C12orf76: variants seen among roughly 807,000 people sequenced by gnomAD.
C12orf76 encodes uncharacterized protein C12orf76.
C12orf76 carries 6 observed loss-of-function variants against 6.8 expected under a neutral mutation model. That is an observed-to-expected ratio of 0.88 (90% CI 0.48 to 1.73). The LOEUF (loss-of-function observed/expected upper bound fraction) is 1.73, where lower values mean the gene tolerates loss of function less well. C12orf76 is among the 40% of genes most tolerant of loss of function. C12orf76 has a pLI of 0.01. For missense variants in C12orf76, 99 were observed against 98.2 expected (o/e 1.01, Z -0.03); for synonymous variants, 56 against 43.7 (o/e 1.28, Z -1.11).
intron 1 of C12orf76, among the ~76,000 whole-genome samples, chr12:110,066,912 C>A (rs12318462): frequency 0.07 from 10,659 of 152,226 alleles, 405 homozygotes; most frequent in African/African-American, 0.093. Context: ...TCCATGGCGA[C>A]GGCCAGCCTG....
At chr12:110,066,705 A>T (rs1892871222) in intron 1 of C12orf76, among the ~76,000 whole-genome samples, 1 of 151,588 alleles carries the variant, frequency 6.6e-6, no homozygotes, top group South Asian at 2.1e-4. Context: ...AGAAAAAAAA[A>T]ATCGGGAGCA....
chr12:110,061,549 T>G (rs79162740), intron 2 of C12orf76, among the ~76,000 whole-genome samples: 2,617 of 151,936 alleles, frequency 0.017, 79 homozygotes, highest in African/African-American at 0.06. Context: ...TTTTTTTTTT[T>G]TTCTTGAAAC....
upstream of C12orf76, among the ~76,000 whole-genome samples, chr12:110,068,301 GAAGAAGAAGAAGAAGAAGAAGAAGAAGA>G (rs1892911339): frequency 6.8e-6 from 1 of 146,780 alleles, no homozygotes; most frequent in African/African-American, 2.5e-5. Flanking sequence ...AGAAGAAGAA[GAAGAAGAAGAAGAAGAAGAAGAAGAAGA>G]AGGCGGCCAA....
At chr12:110,060,188 T>C (rs892695055) in intron 2 of C12orf76, among the ~76,000 whole-genome samples, 2 of 152,046 alleles carry the variant, frequency 1.3e-5, no homozygotes, top group Non-Finnish European at 2.9e-5. Context: ...ATCACCCCAT[T>C]ACACTCCAGC....
chr12:110,056,237 A>G (rs1892664746), intron 4 of C12orf76, among the ~76,000 whole-genome samples: 1 of 152,166 alleles, frequency 6.6e-6, no homozygotes, highest in South Asian at 2.1e-4. Context: ...CAGAAATACT[A>G]TCCCGACCTT....
At chr12:110,058,849 C>A (rs1023750526) in intron 3 of C12orf76, 2 of 961,958 alleles carry the variant, frequency 2.1e-6, no homozygotes, top group African/African-American at 3.3e-5. Context: ...TTTTTGGTAA[C>A]CCTAATATGT....
At chr12:110,042,975 G>A (rs1892353457) in intron 1 of C12orf76, among the ~76,000 whole-genome samples, 1 of 152,204 alleles carries the variant, frequency 6.6e-6, no homozygotes, top group East Asian at 1.9e-4. Context: ...AGCTACTCAG[G>A]AGGCTGAGGC....
intron 1 of C12orf76, among the ~76,000 whole-genome samples, chr12:110,066,342 C>A (rs1212956565): frequency 1.6e-5 from 2 of 128,964 alleles, no homozygotes; most frequent in Admixed American, 9.2e-5. Flanking sequence ...GCACTCCAGC[C>A]TAGGTGACAA....
chr12:110,066,501 A>C (rs1892865757), intron 1 of C12orf76, among the ~76,000 whole-genome samples: 1 of 151,700 alleles, frequency 6.6e-6, no homozygotes, highest in African/African-American at 2.4e-5. Flanking sequence ...CAGCCTGACC[A>C]ACATGGAGAA....
upstream of C12orf76, among the ~76,000 whole-genome samples, chr12:110,053,505 A>G (rs59394303): frequency 4.1e-3 from 614 of 150,422 alleles, 3 homozygotes; most frequent in African/African-American, 0.015. Context: ...TCTTGGGGGG[A>G]AAACAAAAAA....
At chr12:110,071,957 G>A (rs118013692), upstream of C12orf76, among the ~76,000 whole-genome samples, 4,187 of 152,218 alleles carry the variant, frequency 0.028, 86 homozygotes, top group Middle Eastern at 0.078. Flanking sequence ...CCACTCTTAG[G>A]TACATATTCA....
upstream of C12orf76, among the ~76,000 whole-genome samples, chr12:110,072,487 GT>G (rs201812575): frequency 2.7e-5 from 4 of 150,548 alleles, no homozygotes; most frequent in Non-Finnish European, 4.4e-5. Context: ...AGGAGTGTGG[GT>G]TTTTTTTGTT....
At chr12:110,044,152 A>C (rs1892388604) in intron 1 of C12orf76, 1 of 152,220 alleles carries the variant, frequency 6.6e-6, no homozygotes, top group South Asian at 2.1e-4. Context: ...CAAAACAAGC[A>C]AATGTACACT....
At chr12:110,058,021 G>A (rs940319056) in intron 3 of C12orf76, among the ~76,000 whole-genome samples, 20 of 129,506 alleles carry the variant, frequency 1.5e-4, no homozygotes, top group Admixed American at 3.0e-4. Flanking sequence ...CCAAGATCAC[G>A]CCATTGCAAA....
chr12:110,057,209 G>T (rs1240268787), exon 4 of C12orf76: 2 of 1,613,038 alleles, frequency 1.2e-6, no homozygotes, highest in African/African-American at 2.7e-5. Flanking sequence ...CAGGTAGGAT[G>T]GGCCCCATGC....
At chr12:110,072,957 A>G (rs1391322734) in intron 1 of C12orf76, among the ~76,000 whole-genome samples, 2 of 151,924 alleles carry the variant, frequency 1.3e-5, no homozygotes, top group Non-Finnish European at 2.9e-5. Context: ...TCAAAAAAAA[A>G]AAAAGAAAAA....
Position 110,066,367 on chromosome 12 carries a change from TAAAAAAAAAAAAAAAAAAAA to T in C12orf76, n.207-354_207-335del, listed in dbSNP as rs71079598. Among the ~76,000 whole-genome samples, 15 of 15,334 alleles carry T rather than the reference TAAAAAAAAAAAAAAAAAAAA, an allele frequency of 9.8e-4. 1 individual carries two copies. Among genetic ancestry groups the T allele is most frequent in the Admixed American group, 3.6e-3 (3 of 834 alleles). The allele number at this position is 15,334 out of a possible 152,430, so 10.1% of individuals were successfully genotyped here. ...CTAGGTGACAAAGCAAGACTCCATC[TAAAAAAAAAAAAAAAAAAAA>T]AAAAAAAAAAAAAAAAACGGCTGGG... On this transcript the variant is annotated intron_variant and non_coding_transcript_variant, in intron 1 of 4. Transcript: ENST00000309050.
upstream of C12orf76, chr12:110,049,838 A>T (rs1892545991): frequency 1.3e-5 from 2 of 152,232 alleles, no homozygotes; most frequent in Non-Finnish European, 2.9e-5. Context: ...CAGACATTGT[A>T]TAGAAGAACG....
At chr12:110,061,965 T>C (rs1328544700) in intron 2 of C12orf76, among the ~76,000 whole-genome samples, 2 of 152,082 alleles carry the variant, frequency 1.3e-5, no homozygotes, top group Non-Finnish European at 2.9e-5. Flanking sequence ...GTTTCTTCTG[T>C]AATAAGAGGA....
Sources: gnomAD v4.1 joint callset for allele counts (sites outside exome capture counted in the v4.1 genomes callset) on GRCh38, gnomAD v4.1.1 for gene constraint, MANE v1.5 for transcripts, NCBI Gene and HGNC (gene_info 2026-07-23, HGNC 2026-07-21) for gene names.